Variants in RBFOX1 observed in about 807,000 individuals in gnomAD.
RBFOX1 encodes RNA binding protein fox-1 homolog 1.
RBFOX1 carries 8 observed loss-of-function variants against 57.7 expected under a neutral mutation model. The observed-to-expected ratio is 0.14, with a 90% CI of 0.08 to 0.25. The LOEUF (loss-of-function observed/expected upper bound fraction) is 0.25, where lower values mean the gene tolerates loss of function less well. Among genes scored for constraint, RBFOX1 ranks in the 10% least tolerant of loss-of-function variants. RBFOX1 has a pLI of 1.00. For synonymous variants in RBFOX1, 326 were observed against 222.4 expected (o/e 1.47, Z -4.15); for missense variants, 611 against 548.5 (o/e 1.11, Z -1.14).
chr16:6,760,964 C>T (rs754688165), intron 3 of RBFOX1, among the ~76,000 whole-genome samples: 1 of 152,174 alleles, frequency 6.6e-6, no homozygotes, highest in East Asian at 1.9e-4. Flanking sequence ...GAGAGATCTT[C>T]TTAGCTCTCT....
At chr16:7,697,324 A>G (rs1369990424) in intron 14 of RBFOX1, among the ~76,000 whole-genome samples, 5 of 151,918 alleles carry the variant, frequency 3.3e-5, no homozygotes, top group African/African-American at 1.2e-4. Context: ...TTAAATGTCC[A>G]CTCCCCACTC....
intron 1 of RBFOX1, among the ~76,000 whole-genome samples, chr16:6,189,150 G>A (rs2097126326): frequency 6.6e-6 from 1 of 152,182 alleles, no homozygotes; most frequent in African/African-American, 2.4e-5. Context: ...TCATGCAATT[G>A]TTTTGCTTAC....
At position 7,522,390 on chromosome 16, in the gene RBFOX1, T is replaced by G. The variant is rs531739141; in HGVS notation, c.270+4001T>G. On this transcript the variant is annotated intron_variant, in intron 5 of 15. Coordinates refer to ENST00000550418, the MANE Select transcript of RBFOX1 (RefSeq NM_018723.4). The stretch of plus-strand genomic sequence containing the variant: ...CAGATTGGGCATTCAACCAGTTGAA[T>G]GTTGGGCTATACAGCCTGGAGGGTA... Among the ~76,000 whole-genome samples, 3 of 152,262 alleles carry G rather than the reference T, an allele frequency of 2.0e-5. No individual in the cohort carries two copies. In the South Asian group the frequency reaches 6.2e-4, roughly 32 times the overall value.
chr16:5,431,285 A>G (rs765510087), intron 1 of RBFOX1, among the ~76,000 whole-genome samples: 3 of 152,312 alleles, frequency 2.0e-5, no homozygotes, highest in Admixed American at 1.3e-4. Flanking sequence ...CATGTGAAAA[A>G]TCCAGTGTCT....
At chr16:6,937,392 T>C (rs892725265) in intron 3 of RBFOX1, among the ~76,000 whole-genome samples, 1 of 152,012 alleles carries the variant, frequency 6.6e-6, no homozygotes, top group Non-Finnish European at 1.5e-5. Context: ...AAAGTCTTAT[T>C]AATGTAGACT....
intron 4 of RBFOX1, among the ~76,000 whole-genome samples, chr16:7,265,165 A>C (rs946150030): frequency 6.6e-6 from 1 of 152,222 alleles, no homozygotes; most frequent in Non-Finnish European, 1.5e-5. Flanking sequence ...ATCTTAGTCT[A>C]TCCAGTTGCC....
intron 4 of RBFOX1, among the ~76,000 whole-genome samples, chr16:5,927,495 G>C (rs894310802): frequency 1.3e-5 from 2 of 152,214 alleles, no homozygotes; most frequent in East Asian, 3.8e-4. Context: ...TACACTGCTA[G>C]TGGGAATGTA....
chr16:5,698,934 CTG>C (rs1341935946), intron 3 of RBFOX1, among the ~76,000 whole-genome samples: 1 of 150,516 alleles, frequency 6.6e-6, no homozygotes, highest in African/African-American at 2.4e-5. Context: ...TCCCATCCAT[CTG>C]TGTAGCTTGG....
chr16:7,552,961 G>T (rs574792583), intron 5 of RBFOX1, among the ~76,000 whole-genome samples: 76 of 152,172 alleles, frequency 5.0e-4, no homozygotes, highest in African/African-American at 1.6e-3. Flanking sequence ...GGGATTACAG[G>T]TGTGAGCCAC....
At chr16:7,130,873 A>G (rs1208224243) in intron 4 of RBFOX1, among the ~76,000 whole-genome samples, 9 of 152,142 alleles carry the variant, frequency 5.9e-5, no homozygotes, top group African/African-American at 2.2e-4. Flanking sequence ...GGTGCCATCA[A>G]GAAGAGATGA....
intron 2 of RBFOX1, among the ~76,000 whole-genome samples, chr16:5,494,388 A>G (rs945011411): frequency 2.0e-5 from 3 of 152,192 alleles, no homozygotes; most frequent in Non-Finnish European, 4.4e-5. Context: ...GAACGAGAAC[A>G]CTAAATAAGG....
At chr16:5,636,243 G>C (rs189268484) in intron 3 of RBFOX1, among the ~76,000 whole-genome samples, 1 of 152,282 alleles carries the variant, frequency 6.6e-6, no homozygotes, top group Non-Finnish European at 1.5e-5. Context: ...AGCTACTCTG[G>C]AGGCCGATGC....
chr16:7,579,622 C>CTGAA (rs2093599346), intron 5 of RBFOX1, among the ~76,000 whole-genome samples, 155 bp from the exon 6 acceptor site: 3 of 152,196 alleles, frequency 2.0e-5, no homozygotes, highest in Non-Finnish European at 2.9e-5. Context: ...AAAACACTTG[C>CTGAA]TGAATGAATG....
intron 4 of RBFOX1, among the ~76,000 whole-genome samples, chr16:7,128,791 C>T (rs1047365619): frequency 1.3e-5 from 2 of 149,184 alleles, no homozygotes; most frequent in African/African-American, 4.9e-5. Context: ...ATCTGTCTGA[C>T]ATAATGGTAA....
chr16:7,517,138 C>CATGTGTGTGTGT (rs1354039473), intron 4 of RBFOX1, among the ~76,000 whole-genome samples: 78 of 130,220 alleles, frequency 6.0e-4, no homozygotes, highest in Admixed American at 4.1e-3. Flanking sequence ...TTTCTTATGC[C>CATGTGTGTGTGT]GTGTGTGTGT....
chr16:6,034,899 G>C (rs898676284), intron 1 of RBFOX1, among the ~76,000 whole-genome samples: 7 of 150,702 alleles, frequency 4.6e-5, no homozygotes, highest in Non-Finnish European at 4.4e-5. Context: ...GGTCAGCTCA[G>C]GAGTCACACT....
intron 2 of RBFOX1, among the ~76,000 whole-genome samples, chr16:6,364,467 C>T (rs945762664): frequency 2.6e-5 from 4 of 152,290 alleles, no homozygotes; most frequent in South Asian, 4.1e-4. Flanking sequence ...TCCAAGGAAG[C>T]TTCTTTTTTA....
chr16:7,216,327 TG>T (rs1265072233), intron 4 of RBFOX1, among the ~76,000 whole-genome samples: 2 of 133,038 alleles, frequency 1.5e-5, no homozygotes, highest in East Asian at 3.6e-4. Flanking sequence ...TCTAAGCCAC[TG>T]TTTTTTTCTT....
chr16:7,269,061 A>G (rs1350398078), intron 4 of RBFOX1, among the ~76,000 whole-genome samples: 1 of 150,284 alleles, frequency 6.7e-6, no homozygotes, highest in Non-Finnish European at 1.5e-5. Flanking sequence ...AAAAAAAAAA[A>G]AAAAAAAAAG....
Sources: gnomAD v4.1 joint callset for allele counts (sites outside exome capture counted in the v4.1 genomes callset) on GRCh38, gnomAD v4.1.1 for gene constraint, MANE v1.5 for transcripts, NCBI Gene and HGNC (gene_info 2026-07-23, HGNC 2026-07-21) for gene names.